Variants in PCDHA7 observed in about 807,000 individuals in gnomAD.
PCDHA7 encodes protocadherin alpha-7.
In PCDHA7, 37 loss-of-function variants were observed where a neutral mutation model predicts 57.2. The observed-to-expected ratio is 0.65, with a 90% CI of 0.50 to 0.85. The LOEUF (loss-of-function observed/expected upper bound fraction) is 0.85. PCDHA7 is among the 40% of genes least tolerant of loss of function. The probability of loss-of-function intolerance (pLI) is 0.00; values close to 1 mark genes in which losing one functional copy is unlikely to be tolerated. For missense variants in PCDHA7, 1,188 were observed against 1,241.8 expected (o/e 0.96, Z 0.65); for synonymous variants, 553 against 558.8 (o/e 0.99, Z 0.15).
At chr5:140,893,880 G>T (rs1426434148) in intron 1 of PCDHA7, among the ~76,000 whole-genome samples, 1 of 152,090 alleles carries the variant, frequency 6.6e-6, no homozygotes, top group African/African-American at 2.4e-5. Flanking sequence ...ATCCAAAGTG[G>T]CCAGAAAGTT....
chr5:140,860,143 G>A (rs1226085674), intron 1 of PCDHA7: 2 of 148,758 alleles, frequency 1.3e-5, no homozygotes, highest in Non-Finnish European at 3.0e-5. Context: ...GTATATATAT[G>A]TATATATGTG....
intron 1 of PCDHA7, chr5:140,870,153 C>G (rs537593818): frequency 6.2e-7 from 1 of 1,614,088 alleles, no homozygotes; most frequent in East Asian, 2.2e-5. Flanking sequence ...CTGAAGTCGC[C>G]GTGACTTCCT....
chr5:140,857,483 T>G, intron 1 of PCDHA7: 1 of 1,598,450 alleles, frequency 6.3e-7, no homozygotes. Context: ...GGTGTCTGCG[T>G]GGGACGCGGA....
intron 1 of PCDHA7, among the ~76,000 whole-genome samples, chr5:140,890,477 C>T (rs1255992157): frequency 2.0e-5 from 3 of 151,926 alleles, no homozygotes; most frequent in African/African-American, 7.3e-5. Flanking sequence ...ATTTTTTGTG[C>T]GTTATTTTTG....
intron 1 of PCDHA7, chr5:140,969,220 G>A (rs2096308533): frequency 6.2e-7 from 1 of 1,614,084 alleles, no homozygotes; most frequent in African/African-American, 1.3e-5. Flanking sequence ...CAGGACCAGG[G>A]CCTTCGGGAG....
At chr5:140,846,565 G>A (rs1349132740) in intron 1 of PCDHA7, among the ~76,000 whole-genome samples, 1 of 147,896 alleles carries the variant, frequency 6.8e-6, no homozygotes, top group African/African-American at 2.5e-5. Flanking sequence ...TAGTAGAGTC[G>A]GGGTTTCACC....
At chr5:140,938,158 C>G (rs1308976624) in intron 1 of PCDHA7, among the ~76,000 whole-genome samples, 1 of 152,112 alleles carries the variant, frequency 6.6e-6, no homozygotes, top group African/African-American at 2.4e-5. Flanking sequence ...ATTGCCCAGG[C>G]TAGTCTGGAG....
chr5:140,993,071 G>A (rs1301535845), intron 3 of PCDHA7, among the ~76,000 whole-genome samples: 9 of 152,222 alleles, frequency 5.9e-5, no homozygotes, highest in African/African-American at 2.2e-4. Flanking sequence ...TGTTCCTGCA[G>A]TCTGCAATCA....
intron 1 of PCDHA7, chr5:140,882,780 G>T: frequency 1.2e-6 from 2 of 1,614,160 alleles, no homozygotes; most frequent in Non-Finnish European, 1.7e-6. Context: ...TTGACCTACC[G>T]ACTGGATCCC....
intron 1 of PCDHA7, chr5:140,866,915 A>C (rs1413291718): frequency 6.6e-6 from 1 of 152,138 alleles, no homozygotes. Context: ...CTCAAAGATG[A>C]GTTCAAAGGG....
At chr5:140,856,260 G>T (rs782445424) in intron 1 of PCDHA7, 1 of 1,598,174 alleles carries the variant, frequency 6.3e-7, no homozygotes, top group Non-Finnish European at 8.6e-7. Context: ...AAAAGACACG[G>T]GGACCTTCTG....
chr5:140,882,656 C>T, intron 1 of PCDHA7: 1 of 1,614,192 alleles, frequency 6.2e-7, no homozygotes, highest in Non-Finnish European at 8.5e-7. Flanking sequence ...TAACGACAAC[C>T]CGCCCATATT....
chr5:140,891,602 T>G (rs1002471186), intron 1 of PCDHA7, among the ~76,000 whole-genome samples: 16 of 152,184 alleles, frequency 1.1e-4, no homozygotes, highest in Non-Finnish European at 1.8e-4. Context: ...TCCCATCTAT[T>G]TCTACCTTTT....
Position 140,884,200 on chromosome 5 carries a change from C to T in PCDHA7, c.2355+47462C>T, listed in dbSNP as rs2060048327. 2.5e-6 allele frequency: 4 copies of T among 1,613,458 alleles called. No individual in the cohort carries two copies. The Admixed American group carries it at 5.0e-5, about 20-fold the overall frequency. Reference sequence around the variant, plus strand: ...CTCTGGACGAGGTGGACGCGCCGCACCACCGCCTTCTGGTGCTGGTGAAGG... The same window carrying T: ...CTCTGGACGAGGTGGACGCGCCGCATCACCGCCTTCTGGTGCTGGTGAAGG... On this transcript the variant is annotated intron_variant, in intron 1 of 3. Transcript: ENST00000525929.
chr5:140,863,237 C>A (rs782024401), intron 1 of PCDHA7: 6 of 1,306,974 alleles, frequency 4.6e-6, no homozygotes, highest in Non-Finnish European at 5.3e-6. Context: ...CCATCGCGGG[C>A]TTTGGCGGGC....
At chr5:140,928,958 C>T in intron 1 of PCDHA7, 1 of 1,613,930 alleles carries the variant, frequency 6.2e-7, no homozygotes, top group South Asian at 1.1e-5. Flanking sequence ...ATTGCCTTGG[C>T]TTGTATTTCC....
At chr5:140,917,287 G>A (rs190210744) in intron 1 of PCDHA7, among the ~76,000 whole-genome samples, 51 of 147,686 alleles carry the variant, frequency 3.5e-4, no homozygotes, top group Admixed American at 7.7e-4. Flanking sequence ...ACGCTTTTCC[G>A]TGTGCAGATA....
chr5:140,929,324 T>A (rs781810168), intron 1 of PCDHA7: 1 of 1,540,130 alleles, frequency 6.5e-7, no homozygotes, highest in African/African-American at 1.4e-5. Flanking sequence ...GTCAATGCCA[T>A]GGTAAGCAAA....
chr5:140,942,906 G>A (rs1454697434), intron 1 of PCDHA7, among the ~76,000 whole-genome samples: 1 of 151,800 alleles, frequency 6.6e-6, no homozygotes, highest in South Asian at 2.1e-4. Flanking sequence ...CTAAGAATAA[G>A]CGTGAAGAAA....
Sources: allele counts gnomAD v4.1 joint callset (sites outside exome capture counted in the v4.1 genomes callset), GRCh38; gene constraint gnomAD v4.1.1; transcripts MANE v1.5; gene names NCBI Gene and HGNC (gene_info 2026-07-23, HGNC 2026-07-21).